The following ACCSL variants were observed in gnomAD, a reference collection of about 807,000 sequenced individuals.
The protein encoded by ACCSL is probable inactive 1-aminocyclopropane-1-carboxylate synthase-like protein 2.
Under a neutral mutation model 61.7 loss-of-function variants are expected in ACCSL, and 55 were observed. The ratio of observed to expected loss-of-function variants is 0.89; its 90% CI spans 0.72 to 1.12. The LOEUF (loss-of-function observed/expected upper bound fraction) is 1.12. Ranked by LOEUF, ACCSL falls within the 50% of genes most tolerant of loss-of-function variation. ACCSL has a pLI of 0.00. For synonymous variants in ACCSL, 258 were observed against 264.3 expected, an observed-to-expected ratio of 0.98 and a Z score of 0.23; for missense variants, 632 against 698.0, an observed-to-expected ratio of 0.91 and a Z score of 1.07.
the ACCSL span, among the ~76,000 whole-genome samples, chr11:43,932,559 G>A: frequency 7.2e-5 from 11 of 152,082 alleles, no homozygotes; most frequent in African/African-American, 1.7e-4. Flanking sequence ...TGTGAGTCAC[G>A]GCACCCAGCT....
At chr11:44,015,961 A>G in the ACCSL span, among the ~76,000 whole-genome samples, 2 of 152,220 alleles carry the variant, frequency 1.3e-5, no homozygotes, top group Non-Finnish European at 2.9e-5. Context: ...TTAGTCATTT[A>G]TGATCATATT....
chr11:43,957,456 T>C, the ACCSL span, among the ~76,000 whole-genome samples: 1 of 152,122 alleles, frequency 6.6e-6, no homozygotes, highest in Non-Finnish European at 1.5e-5. Context: ...AAGGTGCTTA[T>C]GATGTAGATG....
upstream of ACCSL, among the ~76,000 whole-genome samples, chr11:44,043,023 C>T (rs1235023955): frequency 2.6e-5 from 4 of 151,540 alleles, no homozygotes; most frequent in Non-Finnish European, 5.9e-5. Flanking sequence ...GTTGAAGCTG[C>T]ATTGAGCTCT....
the ACCSL span, among the ~76,000 whole-genome samples, chr11:43,963,067 C>G: frequency 6.6e-6 from 1 of 152,144 alleles, no homozygotes; most frequent in African/African-American, 2.4e-5. Flanking sequence ...ATGGGTGGGA[C>G]AAATGAATTG....
At chr11:43,964,436 C>CAAA in the ACCSL span, among the ~76,000 whole-genome samples, 3 of 77,172 alleles carry the variant, frequency 3.9e-5, no homozygotes, top group Non-Finnish European at 5.8e-5. Context: ...GACATTGTCT[C>CAAA]AAAAAAAAAA....
chr11:44,049,111 G>A (rs1952619076), intron 1 of ACCSL, among the ~76,000 whole-genome samples: 1 of 152,056 alleles, frequency 6.6e-6, no homozygotes, highest in Admixed American at 6.6e-5. Context: ...AGAGGTGGAT[G>A]GGAGGTGTTA....
At chr11:44,019,227 T>C in the ACCSL span, among the ~76,000 whole-genome samples, 1 of 152,254 alleles carries the variant, frequency 6.6e-6, no homozygotes, top group African/African-American at 2.4e-5. Context: ...ATGAATAATA[T>C]TGTTATGAAC....
At chr11:43,993,718 C>G in the ACCSL span, among the ~76,000 whole-genome samples, 1 of 152,258 alleles carries the variant, frequency 6.6e-6, no homozygotes, top group South Asian at 2.1e-4. Context: ...TCTGTGCACA[C>G]CCCACACCCA....
chr11:43,987,686 G>A, the ACCSL span, among the ~76,000 whole-genome samples: 1 of 152,094 alleles, frequency 6.6e-6, no homozygotes, highest in Non-Finnish European at 1.5e-5. Flanking sequence ...GCCAGGTCCA[G>A]TGACTGTTTC....
chr11:43,994,968 A>T, the ACCSL span: 1 of 152,182 alleles, frequency 6.6e-6, no homozygotes, highest in Admixed American at 6.5e-5. Context: ...CTTTGCATTC[A>T]TCAGGGTTGA....
chr11:43,998,011 G>C, the ACCSL span, among the ~76,000 whole-genome samples: 59 of 152,292 alleles, frequency 3.9e-4, 2 homozygotes, highest in African/African-American at 1.4e-3. Context: ...TAAAAGCATG[G>C]TATTTTGGAG....
the ACCSL span, among the ~76,000 whole-genome samples, chr11:43,964,271 G>A: frequency 1.3e-5 from 2 of 151,696 alleles, no homozygotes; most frequent in Admixed American, 1.3e-4. Context: ...GTGAAACCCC[G>A]TCTCTACTAA....
chr11:44,015,287 T>C, the ACCSL span, among the ~76,000 whole-genome samples: 1 of 152,140 alleles, frequency 6.6e-6, no homozygotes, highest in Non-Finnish European at 1.5e-5. Context: ...TTAGCCCCAT[T>C]TTAAGGATGG....
At chr11:43,959,476 A>G in the ACCSL span, among the ~76,000 whole-genome samples, 1 of 152,230 alleles carries the variant, frequency 6.6e-6, no homozygotes, top group Non-Finnish European at 1.5e-5. Flanking sequence ...AGTTGGAATT[A>G]GCCTAACTGA....
the ACCSL span, among the ~76,000 whole-genome samples, chr11:43,940,457 A>G: frequency 4.7e-5 from 7 of 149,800 alleles, no homozygotes; most frequent in Admixed American, 3.3e-4. Flanking sequence ...CCGGGTTCAC[A>G]CCATTCTCCT....
chr11:43,960,183 C>T, the ACCSL span, among the ~76,000 whole-genome samples: 1 of 152,166 alleles, frequency 6.6e-6, no homozygotes, highest in African/African-American at 2.4e-5. Context: ...ACCATAACAC[C>T]CATCTTATTG....
upstream of ACCSL, among the ~76,000 whole-genome samples, chr11:44,046,284 G>T (rs949324391): frequency 6.6e-6 from 1 of 152,198 alleles, no homozygotes; most frequent in Non-Finnish European, 1.5e-5. Context: ...ATGATTAAAG[G>T]TTGGGATCGT....
At position 44,048,075 on chromosome 11, in the gene ACCSL, TC is replaced by T. The variant is rs1952610736; in HGVS notation, c.40del (p.Gln14ArgfsTer19). 1 of 1,613,894 alleles carries T rather than the reference TC, an allele frequency of 6.2e-7. No homozygotes were observed. Among genetic ancestry groups the T allele is most frequent in the African/African-American group, 1.3e-5 (1 of 74,896 alleles). ...CAGACACCCTTCCTGTGCCCTCTGG[TC>T]AGAGGAGAGGCCGGGTCCCCAGAGA... ...RSDTLPVPSG[Q>X]RRGRVPRDHS... is the part of the protein sequence containing the mutation. On this transcript the variant is annotated frameshift_variant, in exon 1 of 14. Transcript: ENST00000378832. LOFTEE classifies it high-confidence loss of function.
At chr11:44,020,223 A>G in the ACCSL span, among the ~76,000 whole-genome samples, 1 of 152,144 alleles carries the variant, frequency 6.6e-6, no homozygotes, top group Non-Finnish European at 1.5e-5. Flanking sequence ...TAGTTTGTGT[A>G]TTTGTAGCTT....
Sources: gnomAD v4.1 joint callset for allele counts (sites outside exome capture counted in the v4.1 genomes callset) on GRCh38, gnomAD v4.1.1 for gene constraint, MANE v1.5 for transcripts, NCBI Gene and HGNC (gene_info 2026-07-23, HGNC 2026-07-21) for gene names.